The following MYRIP variants were observed in gnomAD, a reference collection of about 807,000 sequenced individuals.
The protein encoded by MYRIP is myosin VIIA and Rab interacting protein.
MYRIP carries 49 observed loss-of-function variants against 98.0 expected under a neutral mutation model. The ratio of observed to expected loss-of-function variants is 0.50; its 90% CI spans 0.40 to 0.63. The LOEUF is 0.63. Ranked by LOEUF, MYRIP falls within the 30% of genes least tolerant of loss-of-function variation. The probability of loss-of-function intolerance (pLI) is 0.00; values close to 1 mark genes in which losing one functional copy is unlikely to be tolerated. For synonymous variants in MYRIP, 404 were observed against 409.5 expected (o/e 0.99, Z 0.16); for missense variants, 1,004 against 1,058.2 (o/e 0.95, Z 0.71).
At chr3:39,944,892 T>A (rs1320324232) in intron 2 of MYRIP, among the ~76,000 whole-genome samples, 1 of 152,158 alleles carries the variant, frequency 6.6e-6, no homozygotes, top group Non-Finnish European at 1.5e-5. Flanking sequence ...TGTCTATCAC[T>A]ATATGACTCT....
At chr3:39,907,020 T>C (rs544920038) in intron 2 of MYRIP, among the ~76,000 whole-genome samples, 1 of 152,258 alleles carries the variant, frequency 6.6e-6, no homozygotes, top group East Asian at 1.9e-4. Flanking sequence ...GTGACTCAGA[T>C]AGAGGAGGCC....
intron 3 of MYRIP, among the ~76,000 whole-genome samples, chr3:40,143,199 T>A (rs1466311051): frequency 6.6e-6 from 1 of 152,106 alleles, no homozygotes; most frequent in African/African-American, 2.4e-5. Context: ...CAATACATAG[T>A]GAAAGAATGA....
At chr3:39,879,306 TA>T (rs1943101183) in intron 1 of MYRIP, among the ~76,000 whole-genome samples, 1 of 151,994 alleles carries the variant, frequency 6.6e-6, no homozygotes, top group South Asian at 2.1e-4. Flanking sequence ...TTGTTTGTCT[TA>T]TTTTTTTCTG....
intron 1 of MYRIP, among the ~76,000 whole-genome samples, chr3:39,815,887 G>GT (rs11293642): frequency 0.26 from 34,310 of 133,772 alleles, 4,136 homozygotes; most frequent in Middle Eastern, 0.32. Context: ...TTCTAATAGC[G>GT]TTTTTTTTTT....
intron 2 of MYRIP, among the ~76,000 whole-genome samples, chr3:40,019,765 T>A (rs1184936378): frequency 1.3e-5 from 2 of 152,114 alleles, no homozygotes; most frequent in East Asian, 1.9e-4. Flanking sequence ...GTTTTTTTTT[T>A]AAGTGTGAAT....
intron 1 of MYRIP, among the ~76,000 whole-genome samples, chr3:39,835,042 T>C (rs1480570307): frequency 1.3e-5 from 2 of 152,168 alleles, no homozygotes; most frequent in Admixed American, 6.5e-5. Context: ...TCTACTTCCA[T>C]GTCAATAAGA....
At chr3:40,032,234 A>T (rs920065976) in intron 2 of MYRIP, among the ~76,000 whole-genome samples, 5 of 151,808 alleles carry the variant, frequency 3.3e-5, no homozygotes, top group African/African-American at 1.2e-4. Flanking sequence ...TTCTGTCTTC[A>T]TTTCGTTATG....
intron 8 of MYRIP, among the ~76,000 whole-genome samples, chr3:40,176,719 C>A (rs1469319733): frequency 6.6e-6 from 1 of 151,902 alleles, no homozygotes; most frequent in African/African-American, 2.4e-5. Flanking sequence ...ACCAGCCTGA[C>A]CAACATAGTG....
intron 3 of MYRIP, among the ~76,000 whole-genome samples, chr3:40,108,873 A>G (rs1315874645): frequency 6.6e-6 from 1 of 152,142 alleles, no homozygotes; most frequent in Non-Finnish European, 1.5e-5. Flanking sequence ...TGTGCCTTTC[A>G]GATGCAAACC....
intron 2 of MYRIP, among the ~76,000 whole-genome samples, chr3:39,932,236 A>G (rs1489244164): frequency 4.6e-5 from 7 of 152,210 alleles, no homozygotes. Flanking sequence ...TGGAAAGAGC[A>G]GTAGGATCCT....
chr3:40,151,856 T>G (rs559615639), intron 4 of MYRIP, among the ~76,000 whole-genome samples: 25 of 152,312 alleles, frequency 1.6e-4, no homozygotes, highest in South Asian at 4.1e-4. Context: ...ATCACTTGGC[T>G]AACACAGGTA....
chr3:39,839,324 C>T (rs1226973385), intron 1 of MYRIP, among the ~76,000 whole-genome samples: 1 of 151,648 alleles, frequency 6.6e-6, no homozygotes, highest in African/African-American at 2.4e-5. Context: ...GTGGCATGAT[C>T]TTGGCTCACT....
chr3:40,226,755 C>G (rs1952503881), intron 11 of MYRIP, among the ~76,000 whole-genome samples: 1 of 152,188 alleles, frequency 6.6e-6, no homozygotes, highest in Admixed American at 6.5e-5. Flanking sequence ...AAATGATGCA[C>G]TTATCCCAGA....
chr3:39,921,193 G>T lies in MYRIP; in HGVS notation c.110+20267G>T, dbSNP rs545079166. On this transcript the variant is annotated intron_variant, in intron 2 of 16. Coordinates refer to ENST00000302541, the MANE Select transcript of MYRIP (RefSeq NM_015460.4). Reference sequence around the variant, plus strand: ...AAAGTGGAATTTAGAAATCAGTCTTGAATTTAGGTAAAAATAACCTGCTCA... The same window carrying T: ...AAAGTGGAATTTAGAAATCAGTCTTTAATTTAGGTAAAAATAACCTGCTCA... 2.6e-5 allele frequency among the ~76,000 whole-genome samples: 4 copies of T among 152,292 alleles called. No individual in the cohort carries two copies. The East Asian group carries it at 7.7e-4, about 29-fold the overall frequency.
chr3:39,854,486 T>C (rs1575308495), intron 1 of MYRIP, among the ~76,000 whole-genome samples: 1 of 152,288 alleles, frequency 6.6e-6, no homozygotes, highest in East Asian at 1.9e-4. Flanking sequence ...TTTCCAGAAG[T>C]TGTGATTGTT....
At chr3:40,200,606 C>A (rs1483894097) in intron 10 of MYRIP, among the ~76,000 whole-genome samples, 1 of 152,184 alleles carries the variant, frequency 6.6e-6, no homozygotes. Context: ...GCAGGGCTAA[C>A]TATCAACTAT....
At chr3:40,051,915 GT>G (rs1161576462) in intron 3 of MYRIP, among the ~76,000 whole-genome samples, 3 of 151,876 alleles carry the variant, frequency 2.0e-5, no homozygotes, top group Non-Finnish European at 4.4e-5. Context: ...ATATATCTTA[GT>G]TGTATGTATT....
intron 3 of MYRIP, among the ~76,000 whole-genome samples, chr3:40,116,974 T>A (rs897650448): frequency 6.6e-6 from 1 of 152,150 alleles, no homozygotes; most frequent in Admixed American, 6.5e-5. Context: ...CCTCTGTGAA[T>A]CGTTCTCTTG....
intron 2 of MYRIP, among the ~76,000 whole-genome samples, chr3:39,941,816 T>G (rs977714512): frequency 6.6e-6 from 1 of 152,056 alleles, no homozygotes; most frequent in East Asian, 1.9e-4. Flanking sequence ...TTATAAAATT[T>G]TATCTTCTCC....
Sources: gnomAD v4.1 joint callset for allele counts (sites outside exome capture counted in the v4.1 genomes callset) on GRCh38, gnomAD v4.1.1 for gene constraint, MANE v1.5 for transcripts, NCBI Gene and HGNC (gene_info 2026-07-23, HGNC 2026-07-21) for gene names.